Variants in ANK3 observed in about 807,000 individuals in gnomAD.
ANK3 encodes ankyrin 3.
In ANK3, 57 loss-of-function variants were observed where a neutral mutation model predicts 370.9. That is an observed-to-expected ratio of 0.15 (90% CI 0.12 to 0.19). The LOEUF (loss-of-function observed/expected upper bound fraction) is 0.19, where lower values mean the gene tolerates loss of function less well. Ranked by LOEUF, ANK3 falls within the 10% of genes least tolerant of loss-of-function variation. The pLI is 1.00. For synonymous variants in ANK3, 1,929 were observed against 1,946.3 expected (o/e 0.99, Z 0.23); for missense variants, 4,439 against 5,302.1 (o/e 0.84, Z 5.06).
Position 60,431,048 on chromosome 10 carries a change from T to C in ANK3, c.97-151409A>G, listed in dbSNP as rs144803031. On this transcript the variant is annotated intron_variant, in intron 2 of 43. Coordinates refer to the ANK3 transcript ENST00000373827. ...TCCACGGACCAGGAGAGGGGGATGG[T>C]TTTGGGATGATTCAAGCACATTATA... Among the ~76,000 whole-genome samples, 676 of 152,266 alleles carry C rather than the reference T, an allele frequency of 4.4e-3. 3 individuals are homozygous for C. Among genetic ancestry groups the C allele is most frequent in the African/African-American group, 0.016 (655 of 41,560 alleles).
intron 1 of ANK3, among the ~76,000 whole-genome samples, chr10:60,345,629 A>G (rs1188744557): frequency 6.6e-6 from 1 of 152,166 alleles, no homozygotes; most frequent in East Asian, 1.9e-4. Flanking sequence ...AGAAGATAAG[A>G]CAATACTAAA....
intron 2 of ANK3, among the ~76,000 whole-genome samples, chr10:60,581,274 G>A (rs1322569730): frequency 6.6e-6 from 1 of 152,078 alleles, no homozygotes; most frequent in Non-Finnish European, 1.5e-5. Context: ...AACCTCAGCA[G>A]GCCATTTCTC....
At chr10:60,650,780 G>T (rs990021545) in intron 1 of ANK3, among the ~76,000 whole-genome samples, 1 of 152,138 alleles carries the variant, frequency 6.6e-6, no homozygotes, top group African/African-American at 2.4e-5. Flanking sequence ...TGTCATGAAA[G>T]GTCAAAAATA....
At chr10:60,289,668 A>C (rs1566297256) in intron 1 of ANK3, among the ~76,000 whole-genome samples, 1 of 152,080 alleles carries the variant, frequency 6.6e-6, no homozygotes, top group African/African-American at 2.4e-5. Context: ...CAAAGTGCTG[A>C]TGTAAGCCAC....
intron 1 of ANK3, among the ~76,000 whole-genome samples, chr10:60,368,677 C>A (rs895421401): frequency 6.6e-6 from 1 of 152,142 alleles, no homozygotes; most frequent in East Asian, 1.9e-4. Flanking sequence ...AACTGACCTG[C>A]TCCTCCTTTA....
chr10:60,733,243 G>A (rs1034734280), intron 1 of ANK3: 3 of 1,240,812 alleles, frequency 2.4e-6, no homozygotes, highest in Admixed American at 8.4e-5. Context: ...CCGCAGGTAG[G>A]GGGGCGGCGC....
rs115807243 is a variant in ANK3, at chr10:60,373,659, C to T, written c.114+15766G>A. ...TGATCTCATAGTCACAGATGGAAGG[C>T]AAGGTCACGGAAGGCAAGCAAGGCT... On this transcript the variant is annotated intron_variant, in intron 1 of 43. Coordinates refer to ENST00000280772, the MANE Select transcript of ANK3 (RefSeq NM_020987.5). Among the ~76,000 whole-genome samples the T allele has an allele frequency of 1.7e-3, 253 of 152,210 alleles. 1 individual carries two copies. The highest frequency in any genetic ancestry group is 5.9e-3 in the African/African-American group (245 of 41,522).
chr10:60,052,423 AAC>A (rs1412495728), intron 42 of ANK3, among the ~76,000 whole-genome samples: 1 of 152,232 alleles, frequency 6.6e-6, no homozygotes, highest in African/African-American at 2.4e-5. Context: ...ATTTGTACCT[AAC>A]ACATAACTGG....
At chr10:60,713,145 G>A (rs1313211019) in intron 1 of ANK3, among the ~76,000 whole-genome samples, 1 of 152,262 alleles carries the variant, frequency 6.6e-6, no homozygotes, top group East Asian at 1.9e-4. Context: ...TCTAACAACA[G>A]CAGAATACAC....
At chr10:60,639,296 A>G (rs530461141) in intron 1 of ANK3, among the ~76,000 whole-genome samples, 1 of 151,704 alleles carries the variant, frequency 6.6e-6, no homozygotes, top group Non-Finnish European at 1.5e-5. Flanking sequence ...ATGAAGATGA[A>G]ATAAAAAGTT....
intron 28 of ANK3, among the ~76,000 whole-genome samples, chr10:60,098,587 T>TA (rs150489279): frequency 0.03 from 4,597 of 152,270 alleles, 231 homozygotes; most frequent in African/African-American, 0.11. Context: ...CATAAGATGT[T>TA]ATAGGGAAAA....
At chr10:60,540,413 G>A (rs2076820172) in intron 2 of ANK3, among the ~76,000 whole-genome samples, 1 of 151,888 alleles carries the variant, frequency 6.6e-6, no homozygotes, top group Non-Finnish European at 1.5e-5. Context: ...AATTCATCTG[G>A]ATCTTTCAGA....
At chr10:60,569,262 G>A (rs2077535698) in intron 2 of ANK3, among the ~76,000 whole-genome samples, 1 of 151,984 alleles carries the variant, frequency 6.6e-6, no homozygotes, top group African/African-American at 2.4e-5. Context: ...ACCACTTCGA[G>A]GTTAGGTGTT....
rs2055684020 is a variant in ANK3 at position 60,346,974 on chromosome 10, C to T, written c.114+42451G>A. 2.7e-5 allele frequency among the ~76,000 whole-genome samples: 4 copies of T among 150,456 alleles called. No individual in the cohort carries two copies. The Admixed American group carries it at 2.7e-4, about 10-fold the overall frequency. On this transcript the variant is annotated intron_variant, in intron 1 of 43. Coordinates refer to ENST00000280772, the MANE Select transcript of ANK3 (RefSeq NM_020987.5). ...ATTTCATACATAAGAGTCTTTTAAA[C>T]AACTTGAGACCATCTATTAGTAGCT...
chr10:60,521,359 T>C (rs1009453814), intron 2 of ANK3, among the ~76,000 whole-genome samples: 2 of 152,150 alleles, frequency 1.3e-5, no homozygotes, highest in African/African-American at 4.8e-5. Flanking sequence ...TGCAAAAAGC[T>C]AATGTGTCTA....
chr10:60,125,130 G>A (rs1030225425), intron 25 of ANK3, among the ~76,000 whole-genome samples: 3 of 152,006 alleles, frequency 2.0e-5, no homozygotes, highest in Admixed American at 1.3e-4. Context: ...AAAAATTAAA[G>A]GCCTACTATA....
In ANK3 at chr10:60,135,094, T is replaced by C. The variant is rs367696262; in HGVS notation, c.2739-721A>G. Among the ~76,000 whole-genome samples the C allele has an allele frequency of 2.3e-4, 35 of 152,334 alleles. No individual in the cohort carries two copies. The East Asian group carries it at 3.3e-3, about 14-fold the overall frequency. On this transcript the variant is annotated intron_variant, in intron 24 of 43. Transcript: ENST00000280772. ...ACCCTGATGCCCTGATATGCCATCA[T>C]CACAGTGACCTCTAAACTAAAACTC... is the stretch of plus-strand genomic sequence containing the variant.
At chr10:60,170,007 C>A (rs977773492) in intron 21 of ANK3, among the ~76,000 whole-genome samples, 1 of 152,156 alleles carries the variant, frequency 6.6e-6, no homozygotes, top group Non-Finnish European at 1.5e-5. Flanking sequence ...TTAGATTCAG[C>A]CATTTCTCCA....
At chr10:60,122,395 T>G (rs1052663737) in intron 25 of ANK3, among the ~76,000 whole-genome samples, 6 of 151,998 alleles carry the variant, frequency 3.9e-5, no homozygotes, top group Non-Finnish European at 8.8e-5. Flanking sequence ...GGTAGGGGAG[T>G]GTGCCTATCT....
Sources: allele counts gnomAD v4.1 joint callset (sites outside exome capture counted in the v4.1 genomes callset), GRCh38; gene constraint gnomAD v4.1.1; transcripts MANE v1.5; gene names NCBI Gene and HGNC (gene_info 2026-07-23, HGNC 2026-07-21).